LNPEP: variants seen among roughly 807,000 people sequenced by gnomAD.
LNPEP encodes the protein leucyl and cystinyl aminopeptidase.
In LNPEP, 64 loss-of-function variants were observed where a neutral mutation model predicts 120.6. The observed-to-expected ratio is 0.53, with a 90% CI of 0.43 to 0.65. The LOEUF is 0.65. Ranked by LOEUF, LNPEP falls within the 30% of genes least tolerant of loss-of-function variation. The pLI is 0.00. For synonymous variants in LNPEP, 435 were observed against 425.4 expected (o/e 1.02, Z -0.28); for missense variants, 1,057 against 1,200.0 (o/e 0.88, Z 1.76).
chr5:96,977,962 A>G (rs1790041883), intron 1 of LNPEP, among the ~76,000 whole-genome samples: 1 of 152,196 alleles, frequency 6.6e-6, no homozygotes. Context: ...ATGACTAAAT[A>G]GCTGTGTGAC....
Position 97,028,623 on chromosome 5 carries a change from GA to G in LNPEP, c.*91del. The G allele has an allele frequency of 7.2e-7, 1 of 1,380,440 alleles. No individual in the cohort carries two copies. The highest frequency in any genetic ancestry group is 1.0e-6 in the Non-Finnish European group (1 of 991,100). 85.5% of individuals were successfully genotyped at this position (1,380,440 alleles called of 1,614,324 possible). On this transcript the variant is annotated 3_prime_UTR_variant, in exon 18 of 18. Coordinates refer to ENST00000231368, the MANE Select transcript of LNPEP (RefSeq NM_005575.3). ...TTTGCAAAAGCCAAGGTAAAGCCAGGATCGCTGCCAAGTTGTTTGCACTCTT... is the reference window on the plus strand; with the variant it reads ...TTTGCAAAAGCCAAGGTAAAGCCAGGTCGCTGCCAAGTTGTTTGCACTCTT...
At chr5:97,017,378 T>C (rs1204076332) in intron 13 of LNPEP, among the ~76,000 whole-genome samples, 1 of 152,168 alleles carries the variant, frequency 6.6e-6, no homozygotes, top group Non-Finnish European at 1.5e-5. Flanking sequence ...TATGAATCTT[T>C]TGTTGGTCAT....
chr5:96,962,311 C>T (rs1398651366), intron 1 of LNPEP, among the ~76,000 whole-genome samples: 2 of 152,214 alleles, frequency 1.3e-5, no homozygotes, highest in East Asian at 3.8e-4. Flanking sequence ...GAACTTGGCT[C>T]TGCTACTTAA....
chr5:97,037,207 A>G lies in LNPEP; in HGVS notation c.*8674A>G, dbSNP rs773202731. ...TACTTTGGAAAGTAGTTACTTGGAA[A>G]CTTGTAAAGGTATTACATTTTTATA... is the stretch of plus-strand genomic sequence containing the variant. On this transcript the variant is annotated 3_prime_UTR_variant, in exon 18 of 18. Coordinates refer to ENST00000231368, the MANE Select transcript of LNPEP (RefSeq NM_005575.3). 6.6e-6 allele frequency: 1 copy of G among 152,152 alleles called. No homozygotes were observed. Among genetic ancestry groups the G allele is most frequent in the Non-Finnish European group, 1.5e-5 (1 of 68,032 alleles). 9.4% of individuals were successfully genotyped at this position (152,152 alleles called of 1,614,324 possible).
chr5:96,977,042 T>C (rs1790015767), intron 1 of LNPEP, among the ~76,000 whole-genome samples: 1 of 152,026 alleles, frequency 6.6e-6, no homozygotes, highest in South Asian at 2.1e-4. Flanking sequence ...GGCAGAATGC[T>C]AAACTCATAC....
At chr5:96,946,763 A>G (rs1789194080) in intron 1 of LNPEP, among the ~76,000 whole-genome samples, 1 of 152,210 alleles carries the variant, frequency 6.6e-6, no homozygotes, top group Admixed American at 6.5e-5. Context: ...TGTTTTATCA[A>G]TCCAATGAGT....
At chr5:96,994,826 T>C (rs1195932391) in intron 6 of LNPEP, among the ~76,000 whole-genome samples, 1 of 152,204 alleles carries the variant, frequency 6.6e-6, no homozygotes, top group East Asian at 1.9e-4. Flanking sequence ...AAATAGGGCA[T>C]GGGCCAGATG....
chr5:96,945,553 G>C, intron 1 of LNPEP, among the ~76,000 whole-genome samples: 1 of 152,082 alleles, frequency 6.6e-6, no homozygotes, highest in East Asian at 1.9e-4. Flanking sequence ...CCTGCTATCT[G>C]TTGTGTGATG....
intron 1 of LNPEP, among the ~76,000 whole-genome samples, chr5:96,951,234 A>G (rs1469595694): frequency 7.0e-6 from 1 of 141,948 alleles, no homozygotes; most frequent in East Asian, 2.1e-4. Context: ...TGCAATCACA[A>G]TGGGGGTTAG....
chr5:96,954,852 G>A lies in LNPEP; in HGVS notation c.19+18678G>A, dbSNP rs1318226041. On this transcript the variant is annotated intron_variant, in intron 1 of 17. Transcript: ENST00000231368. Reference sequence around the variant, plus strand: ...GGCTGGAGTGCAGTGGCACGATCTCGGCTCACTGCAAGCTCCGCCTCCTGG... The same window carrying A: ...GGCTGGAGTGCAGTGGCACGATCTCAGCTCACTGCAAGCTCCGCCTCCTGG... Among the ~76,000 whole-genome samples, 6 of 130,370 alleles carry A rather than the reference G, an allele frequency of 4.6e-5. No individual in the cohort carries two copies. In the South Asian group the frequency reaches 7.6e-4, roughly 17 times the overall value. The allele number at this position is 130,370 out of a possible 152,430, so 85.5% of individuals were successfully genotyped here.
intron 1 of LNPEP, among the ~76,000 whole-genome samples, chr5:96,947,801 G>T (rs1041635008): frequency 6.6e-6 from 1 of 152,102 alleles, no homozygotes; most frequent in African/African-American, 2.4e-5. Context: ...CATATAGAGA[G>T]AATATAATGT....
At position 96,996,450 on chromosome 5, in the gene LNPEP, G is replaced by A; in HGVS notation, c.1468G>A (p.Ala490Thr). The A allele has an allele frequency of 6.2e-7, 1 of 1,611,622 alleles. No individual in the cohort carries two copies. Among genetic ancestry groups the A allele is most frequent in the Non-Finnish European group, 8.5e-7 (1 of 1,178,256 alleles). The change falls in exon 7 of 18, where the codon GCC becomes ACC. Residue 490 changes from alanine to threonine, a missense_variant. By Grantham distance (58) the Ala-to-Thr change is moderately conservative (BLOSUM62 0). Transcript: ENST00000231368. ...TGACCTATGGCTAAATGAAGGTTTT[G>A]CCACTTTCATGGAGTATTTCTCTTT... The part of the protein sequence containing the change: ...WNDLWLNEGF[A>T]TFMEYFSLEK...
At position 97,028,636 on chromosome 5, in the gene LNPEP, T is replaced by C; in HGVS notation, c.*103T>C. The stretch of plus-strand genomic sequence containing the variant: ...AGGTAAAGCCAGGATCGCTGCCAAG[T>C]TGTTTGCACTCTTTGGAGTTCTAGT... On this transcript the variant is annotated 3_prime_UTR_variant, in exon 18 of 18. Transcript: ENST00000231368. 2.5e-6 allele frequency: 3 copies of C among 1,207,390 alleles called. No homozygotes were observed. Among genetic ancestry groups the C allele is most frequent in the Non-Finnish European group, 3.6e-6 (3 of 842,886 alleles). 74.8% of individuals were successfully genotyped at this position (1,207,390 alleles called of 1,614,324 possible). A position where few individuals can be genotyped will look rare whatever the true frequency, so the allele number is the denominator to read the frequency against.
chr5:96,979,440 G>T lies in LNPEP; in HGVS notation c.322G>T (p.Ala108Ser). ...SPDGACSVPS[A>S]RTMVVCAFVI... The stretch of plus-strand genomic sequence containing the variant: ...AGATGGGGCTTGTTCAGTACCCTCT[G>T]CAAGGACCATGGTGGTCTGTGCTTT... Residue 108 changes from alanine to serine, a missense_variant, in exon 2 of 18, where the codon GCA (alanine) becomes TCA (serine). Physicochemically the swap from Ala to Ser is moderately conservative, Grantham distance 99. Coordinates refer to ENST00000231368, the MANE Select transcript of LNPEP (RefSeq NM_005575.3). 1 of 1,614,074 alleles carries T rather than the reference G, an allele frequency of 6.2e-7. No individual in the cohort carries two copies. Among genetic ancestry groups the T allele is most frequent in the Non-Finnish European group, 8.5e-7 (1 of 1,179,960 alleles).
chr5:96,979,758 C>A lies in LNPEP; in HGVS notation c.640C>A (p.His214Asn). The change falls in exon 2 of 18, where the codon CAT becomes AAT. Residue 214 changes from histidine to asparagine, a missense_variant. Physicochemically the swap from His to Asn is moderately conservative, Grantham distance 68. Coordinates refer to ENST00000231368, the MANE Select transcript of LNPEP (RefSeq NM_005575.3). ...TWNIILHSTG[H>N]NISRVTFMSA... ...GAATATCATTCTTCATAGCACAGGT[C>A]ATAATATTTCAAGAGTGACCTTTAT... is the stretch of plus-strand genomic sequence containing the variant. 1.9e-6 allele frequency: 3 copies of A among 1,613,954 alleles called. No homozygotes were observed. The highest frequency in any genetic ancestry group is 2.5e-6 in the Non-Finnish European group (3 of 1,179,926).
intron 1 of LNPEP, among the ~76,000 whole-genome samples, chr5:96,956,851 T>C (rs568850252): frequency 6.6e-5 from 10 of 152,226 alleles, no homozygotes; most frequent in Admixed American, 2.0e-4. Context: ...TCTGTGTTCC[T>C]CAAATTGAAT....
chr5:97,027,608 C>T (rs1791376117), intron 16 of LNPEP, 125 bp from the exon 17 acceptor site: 2 of 637,632 alleles, frequency 3.1e-6, no homozygotes, highest in South Asian at 2.0e-5. Flanking sequence ...CCGGTTTCCT[C>T]AGTTGCAGTT....
At chr5:96,988,434 G>T (rs373588911) in intron 4 of LNPEP, among the ~76,000 whole-genome samples, 1 of 148,448 alleles carries the variant, frequency 6.7e-6, no homozygotes, top group African/African-American at 2.5e-5. Context: ...TGCCTCCCGG[G>T]TTCAAGCAAT....
intron 1 of LNPEP, among the ~76,000 whole-genome samples, chr5:96,975,907 T>G (rs1483716572): frequency 6.6e-6 from 1 of 152,180 alleles, no homozygotes; most frequent in Non-Finnish European, 1.5e-5. Flanking sequence ...TCTCTTAGAT[T>G]ATAACCACAT....
Sources: gnomAD v4.1 joint callset for allele counts (sites outside exome capture counted in the v4.1 genomes callset) on GRCh38, gnomAD v4.1.1 for gene constraint, MANE v1.5 for transcripts, NCBI Gene and HGNC (gene_info 2026-07-23, HGNC 2026-07-21) for gene names.